The following MROH1 variants were observed in gnomAD, a reference collection of about 807,000 sequenced individuals.
MROH1 encodes the protein maestro heat-like repeat-containing protein family member 1.
MROH1 carries 117 observed loss-of-function variants against 116.5 expected under a neutral mutation model. The observed-to-expected ratio is 1.00, with a 90% CI of 0.86 to 1.17. MROH1 has a LOEUF of 1.17. MROH1 is among the 50% of genes most tolerant of loss of function. The probability of loss-of-function intolerance (pLI) is 0.00; values close to 1 mark genes in which losing one functional copy is unlikely to be tolerated. For missense variants in MROH1, 1,873 were observed against 1,338.5 expected (o/e 1.40, Z -6.23); for synonymous variants, 921 against 583.9 (o/e 1.58, Z -8.32).
At chr8:144,192,027 T>A (rs1462475117) in intron 9 of MROH1, among the ~76,000 whole-genome samples, 172 bp downstream of exon 9, 1 of 152,114 alleles carries the variant, frequency 6.6e-6, no homozygotes, top group Non-Finnish European at 1.5e-5. Context: ...GGGACCAGCT[T>A]AGTTTTCCCA....
chr8:144,229,214 C>T (rs1838363950), intron 14 of MROH1, among the ~76,000 whole-genome samples: 1 of 152,116 alleles, frequency 6.6e-6, no homozygotes, highest in Non-Finnish European at 1.5e-5. Flanking sequence ...TCAACTTCTT[C>T]CAAACTCTTG....
chr8:144,168,764 G>C (rs1478374914), intron 4 of MROH1, among the ~76,000 whole-genome samples: 1 of 152,220 alleles, frequency 6.6e-6, no homozygotes, highest in Non-Finnish European at 1.5e-5. Flanking sequence ...CATGGTCCCT[G>C]CCTGAGGGAC....
At chr8:144,197,389 T>C (rs2131727102) in intron 10 of MROH1, among the ~76,000 whole-genome samples, 1 of 134,486 alleles carries the variant, frequency 7.4e-6, no homozygotes, top group South Asian at 2.4e-4. Context: ...GTGAGTGATC[T>C]GAAAGAGTGG....
intron 14 of MROH1, 100 bp downstream of exon 14, chr8:144,223,330 T>C: frequency 6.9e-7 from 1 of 1,454,014 alleles, no homozygotes; most frequent in Non-Finnish European, 9.3e-7. Context: ...AGGGTGGATA[T>C]GTGGGCTGCA....
At chr8:144,220,739 C>A in intron 13 of MROH1, 66 bp downstream of exon 13, 1 of 1,442,978 alleles carries the variant, frequency 6.9e-7, no homozygotes, top group Non-Finnish European at 9.5e-7. Flanking sequence ...TGTGGCCAGG[C>A]TGTGCTGTGA....
At position 144,243,808 on chromosome 8, in the gene MROH1, G is replaced by A. The variant is rs1363424942; in HGVS notation, c.2476-55G>A. The stretch of plus-strand genomic sequence containing the variant: ...TAGGCTGGGGGACAGAGCTTGACCA[G>A]GGAGGAGAGCTGGCGTTTCCTCCAA... On this transcript the variant is annotated intron_variant, in intron 25 of 43. Coordinates refer to ENST00000326134, the MANE Select transcript of MROH1 (RefSeq NM_032450.3). The A allele has an allele frequency of 1.3e-5, 10 of 751,878 alleles. No homozygotes were observed. The East Asian group carries it at 2.5e-4, about 19-fold the overall frequency. 46.6% of individuals were successfully genotyped at this position (751,878 alleles called of 1,614,324 possible).
chr8:144,181,365 C>T (rs1403836962), intron 7 of MROH1, among the ~76,000 whole-genome samples: 1 of 135,212 alleles, frequency 7.4e-6, no homozygotes, highest in Non-Finnish European at 1.5e-5. Context: ...GTTTTCGAAG[C>T]ATGGAGGGAG....
Position 144,239,986 on chromosome 8 carries a change from A to G in MROH1, c.1775-115A>G, listed in dbSNP as rs1222988347. 4 of 713,450 alleles carry G rather than the reference A, an allele frequency of 5.6e-6. No homozygotes were observed. In the East Asian group the frequency reaches 8.0e-5, roughly 14 times the overall value. The allele number at this position is 713,450 out of a possible 1,614,324, so 44.2% of individuals were successfully genotyped here. On this transcript the variant is annotated intron_variant, in intron 18 of 43. Transcript: ENST00000326134. ...TGCTTCCTGGGAGCAGGTGGGGGGC[A>G]GCGGGGCGGCGGGGCCTGTCTGTGC...
At chr8:144,213,041 C>T (rs376778532) in intron 12 of MROH1, 9 of 779,730 alleles carry the variant, frequency 1.2e-5, no homozygotes, top group East Asian at 2.4e-5. Context: ...AGCAGTCACA[C>T]GACTGAAACA....
In MROH1 at chr8:144,239,349, A is replaced by G. The variant is rs1033943930; in HGVS notation, c.1618A>G (p.Thr540Ala). The change falls in exon 17 of 44, where the codon ACC (threonine) becomes GCC (alanine). Residue 540 changes from threonine to alanine, a missense_variant. Transcript: ENST00000326134. ...HASLPSPYAV[T>A]GRLLVVSSSP... ...GAGCCTCCCGTCTCCCTATGCTGTA[A>G]CCGGAAGACTGTTGGTGAGCCTCGC... 117 of 780,406 alleles carry G rather than the reference A, an allele frequency of 1.5e-4. 1 individual carries two copies. The highest frequency in any genetic ancestry group is 9.5e-4 in the African/African-American group (56 of 59,170). 48.3% of individuals were successfully genotyped at this position (780,406 alleles called of 1,614,324 possible).
rs561902621 is a variant in MROH1 at position 144,195,195 on chromosome 8, TAAAA to T, written c.948+2815_948+2818del. Among the ~76,000 whole-genome samples the T allele has an allele frequency of 2.5e-3, 29 of 11,684 alleles. 4 individuals are homozygous for T. Among genetic ancestry groups the T allele is most frequent in the Middle Eastern group, 0.12 (1 of 8 alleles). The allele number at this position is 11,684 out of a possible 152,430, so 7.7% of individuals were successfully genotyped here. ...GGGTGACAGTGCGAGACTGTGTCTTTAAAAAAAAAAAAAAAAAAAAAAAAGGCCG... is the reference window on the plus strand; with the variant it reads ...GGGTGACAGTGCGAGACTGTGTCTTTAAAAAAAAAAAAAAAAAAAAGGCCG... On this transcript the variant is annotated intron_variant, in intron 10 of 43. Coordinates refer to ENST00000326134, the MANE Select transcript of MROH1 (RefSeq NM_032450.3).
chr8:144,209,487 G>A (rs1229208799), intron 12 of MROH1, among the ~76,000 whole-genome samples: 1 of 151,028 alleles, frequency 6.6e-6, no homozygotes, highest in African/African-American at 2.4e-5. Context: ...GGCTGAGGCA[G>A]AGAATGGTGT....
Position 144,254,966 on chromosome 8 carries a change from G to A in MROH1, c.3582G>A (p.Leu1194=). ...LGRTPDRVAT[L]LPLSATCALF... The stretch of plus-strand genomic sequence containing the variant: ...GCACCCCAGACCGCGTGGCCACGCT[G>A]CTGCCTCTCTCGGTGAGTCGGGCTC... Residue 1194 remains leucine, a synonymous_variant, in exon 34 of 44, where the codon CTG becomes CTA. Coordinates refer to ENST00000326134, the MANE Select transcript of MROH1 (RefSeq NM_032450.3). 1.3e-6 allele frequency: 1 copy of A among 767,530 alleles called. No homozygotes were observed. Among genetic ancestry groups the A allele is most frequent in the Admixed American group, 1.7e-5 (1 of 57,596 alleles). 47.5% of individuals were successfully genotyped at this position (767,530 alleles called of 1,614,324 possible).
chr8:144,258,852 G>A lies in MROH1; in HGVS notation c.3867G>A (p.Glu1289=), dbSNP rs1844424076. ...ATGTGGTACAGCGCATGGACCTGGAGGGAGGCTGGGAACTGCTCAGGACCT... is the reference window on the plus strand; with the variant it reads ...ATGTGGTACAGCGCATGGACCTGGAAGGAGGCTGGGAACTGCTCAGGACCT... ...SEDVVQRMDL[E]GGWELLRTSA... The change falls in exon 36 of 44, where the codon GAG becomes GAA. Residue 1289 remains glutamate (E), a synonymous_variant. Coordinates refer to ENST00000326134, the MANE Select transcript of MROH1 (RefSeq NM_032450.3). The A allele has an allele frequency of 1.2e-5, 9 of 769,834 alleles. No homozygotes were observed. The highest frequency in any genetic ancestry group is 2.2e-5 in the Non-Finnish European group (9 of 414,646). The allele number at this position is 769,834 out of a possible 1,614,324, so 47.7% of individuals were successfully genotyped here. A position where few individuals can be genotyped will look rare whatever the true frequency, so the allele number is the denominator to read the frequency against.
In MROH1 at chr8:144,182,543, A is replaced by G. The variant is rs1031622017; in HGVS notation, c.562+2020A>G. On this transcript the variant is annotated intron_variant, in intron 7 of 43. Transcript: ENST00000326134. This position sits in a 1 kb window ranked among gnomAD's most constrained non-coding sequence, Gnocchi z 4.1. ...GTGTCACCATGGAGAAGCCACATTG[A>G]GAGAATAAAACTGACCTTCTGTGAA... Among the ~76,000 whole-genome samples, 5 of 152,230 alleles carry G rather than the reference A, an allele frequency of 3.3e-5. No homozygotes were observed. Among genetic ancestry groups the G allele is most frequent in the African/African-American group, 1.2e-4 (5 of 41,464 alleles).
intron 12 of MROH1, among the ~76,000 whole-genome samples, chr8:144,218,180 C>T (rs554524252): frequency 6.6e-6 from 1 of 152,272 alleles, no homozygotes; most frequent in South Asian, 2.1e-4. Context: ...AGTTTGCTGT[C>T]ATAAACAGGC....
chr8:144,228,709 G>A (rs371613928), intron 14 of MROH1, among the ~76,000 whole-genome samples: 103 of 152,266 alleles, frequency 6.8e-4, no homozygotes, highest in African/African-American at 2.3e-3. Flanking sequence ...TGATCCACCC[G>A]CCTCGGCCTC....
At chr8:144,222,112 G>A (rs953234581) in intron 13 of MROH1, among the ~76,000 whole-genome samples, 6 of 136,188 alleles carry the variant, frequency 4.4e-5, no homozygotes, top group African/African-American at 7.4e-5. Context: ...GGGATCACAC[G>A]AGAGAAGCTA....
chr8:144,246,064 C>T (rs1841862753), intron 29 of MROH1, among the ~76,000 whole-genome samples: 1 of 122,390 alleles, frequency 8.2e-6, no homozygotes, highest in Admixed American at 9.2e-5. Context: ...TCCCTCCCTT[C>T]CTCCTTCCTT....
Sources: gnomAD v4.1 joint callset for allele counts (sites outside exome capture counted in the v4.1 genomes callset) on GRCh38, gnomAD v4.1.1 for gene constraint, Gnocchi (gnomAD v3.1) non-coding constraint, MANE v1.5 for transcripts, NCBI Gene and HGNC (gene_info 2026-07-23, HGNC 2026-07-21) for gene names.